The following ZC3H12C variants were observed in gnomAD, a reference collection of about 807,000 sequenced individuals.
The protein encoded by ZC3H12C is zinc finger CCCH-type containing 12C, also known as probable ribonuclease ZC3H12C.
ZC3H12C carries 20 observed loss-of-function variants against 76.3 expected under a neutral mutation model. The ratio of observed to expected loss-of-function variants is 0.26; its 90% CI spans 0.18 to 0.38. The LOEUF (loss-of-function observed/expected upper bound fraction) is 0.38. Among genes scored for constraint, ZC3H12C ranks in the 10% least tolerant of loss-of-function variants. The pLI, the probability that ZC3H12C is intolerant of heterozygous loss-of-function variation, is 1.00. For synonymous variants in ZC3H12C, 352 were observed against 399.6 expected (o/e 0.88, Z 1.42); for missense variants, 874 against 1,086.5 (o/e 0.80, Z 2.75).
rs1565256427 is a variant in ZC3H12C at position 110,127,888 on chromosome 11, T to TCTC, written c.22-8775_22-8774insCTC. Among the ~76,000 whole-genome samples the TCTC allele has an allele frequency of 2.3e-3, 204 of 87,876 alleles. 1 individual carries two copies. The highest frequency in any genetic ancestry group is 3.7e-3 in the Non-Finnish European group (153 of 41,402). 57.7% of individuals were successfully genotyped at this position (87,876 alleles called of 152,430 possible). On this transcript the variant is annotated intron_variant, in intron 1 of 5. Transcript: ENST00000278590. ...TCCAGCCTGGACAACACAGTGAGAC[T>TCTC]TACTCTCAAAAAAAAAAAAAAAGAG...
intron 1 of ZC3H12C, chr11:110,130,962 A>G (rs1447877773): frequency 2.8e-6 from 4 of 1,434,356 alleles, no homozygotes; most frequent in Non-Finnish European, 3.8e-6. Flanking sequence ...ACTCGGTAAT[A>G]GGTTAAGCAA....
chr11:110,137,292 T>G lies in ZC3H12C; in HGVS notation c.651T>G (p.Thr217=), dbSNP rs1861983234. The stretch of plus-strand genomic sequence containing the variant: ...ATCAAACGGTTAGTACAATTAACAC[T>G]ATAACACGGGAAACTTCTTCCCTGG... ...EADQTVSTIN[T]ITRETSSLES... Residue 217 remains threonine (T), a synonymous_variant, in exon 2 of 6, where the codon ACT becomes ACG. Coordinates refer to ENST00000278590, the MANE Select transcript of ZC3H12C (RefSeq NM_033390.2). 1.9e-6 allele frequency: 3 copies of G among 1,613,952 alleles called. No individual in the cohort carries two copies. Among genetic ancestry groups the G allele is most frequent in the Non-Finnish European group, 2.5e-6 (3 of 1,179,874 alleles).
chr11:110,165,829 C>A lies in ZC3H12C; in HGVS notation c.*92C>A. On this transcript the variant is annotated 3_prime_UTR_variant, in exon 6 of 6. Coordinates refer to ENST00000278590, the MANE Select transcript of ZC3H12C (RefSeq NM_033390.2). ...ACAATAGCACATGTGATCTCCTTCT[C>A]AGCAAGGAGGTTATATAGTATCCAT... 8.3e-7 allele frequency: 1 copy of A among 1,203,406 alleles called. No homozygotes were observed. Among genetic ancestry groups the A allele is most frequent in the Non-Finnish European group, 1.1e-6 (1 of 871,382 alleles). 74.5% of individuals were successfully genotyped at this position (1,203,406 alleles called of 1,614,324 possible).
chr11:110,096,885 C>G (rs759321491), intron 1 of ZC3H12C, among the ~76,000 whole-genome samples: 1 of 152,160 alleles, frequency 6.6e-6, no homozygotes, highest in Non-Finnish European at 1.5e-5. Context: ...TCAAAAGACT[C>G]CAGTTTCAGT....
At chr11:110,118,161 T>C (rs1861594269) in intron 1 of ZC3H12C, among the ~76,000 whole-genome samples, 1 of 149,630 alleles carries the variant, frequency 6.7e-6, no homozygotes, top group Admixed American at 6.7e-5. Context: ...AACACTAGAG[T>C]CATTCCCATT....
At chr11:110,125,850 A>G (rs1341895300) in intron 1 of ZC3H12C, among the ~76,000 whole-genome samples, 1 of 152,222 alleles carries the variant, frequency 6.6e-6, no homozygotes, top group Admixed American at 6.5e-5. Flanking sequence ...TGTCTCAGGA[A>G]TTTGAACCTT....
At chr11:110,107,884 A>G (rs971603626) in intron 1 of ZC3H12C, among the ~76,000 whole-genome samples, 4 of 151,780 alleles carry the variant, frequency 2.6e-5, no homozygotes, top group Non-Finnish European at 5.9e-5. Context: ...GCTGGTCTTG[A>G]ACTCCTGAGC....
chr11:110,129,417 G>A (rs988385197), intron 1 of ZC3H12C, among the ~76,000 whole-genome samples: 2 of 151,776 alleles, frequency 1.3e-5, no homozygotes, highest in Admixed American at 6.6e-5. Flanking sequence ...AAATAGAGAC[G>A]ATCTCATTTG....
chr11:110,112,913 C>A (rs555006671), intron 1 of ZC3H12C, among the ~76,000 whole-genome samples: 1 of 152,180 alleles, frequency 6.6e-6, no homozygotes, highest in East Asian at 1.9e-4. Flanking sequence ...TTAATTCATT[C>A]ATACACAGAT....
intron 1 of ZC3H12C, among the ~76,000 whole-genome samples, chr11:110,131,986 A>C (rs1861874878): frequency 6.6e-6 from 1 of 152,196 alleles, no homozygotes; most frequent in African/African-American, 2.4e-5. Flanking sequence ...TGTTAGCTAG[A>C]GGGATGCAGA....
rs749412961 is a variant in ZC3H12C at position 110,152,974 on chromosome 11, T to C, written c.829T>C (p.Phe277Leu). 1 of 1,612,152 alleles carries C rather than the reference T, an allele frequency of 6.2e-7. No homozygotes were observed. ...AGGAATAAAATTGGCAGTGGATTGG[T>C]TTTTGGAAAGAGGCCACAAAGACAT... ...CRGIKLAVDW[F>L]LERGHKDITV... Residue 277 changes from phenylalanine (F) to leucine (L), a missense_variant, in exon 3 of 6, where the codon TTT becomes CTT. Physicochemically the swap from Phe to Leu is conservative, Grantham distance 22. Coordinates refer to ENST00000278590, the MANE Select transcript of ZC3H12C (RefSeq NM_033390.2).
At chr11:110,108,752 G>A (rs1302297169) in intron 1 of ZC3H12C, among the ~76,000 whole-genome samples, 3 of 152,280 alleles carry the variant, frequency 2.0e-5, no homozygotes, top group East Asian at 3.9e-4. Flanking sequence ...CACTTGGATA[G>A]CTATTGGTAT....
At chr11:110,109,464 T>G (rs1861390086) in intron 1 of ZC3H12C, among the ~76,000 whole-genome samples, 1 of 152,224 alleles carries the variant, frequency 6.6e-6, no homozygotes, top group African/African-American at 2.4e-5. Context: ...TGTTATATAT[T>G]TGTGGAGTTC....
At chr11:110,123,428 A>T (rs1202777297) in intron 1 of ZC3H12C, among the ~76,000 whole-genome samples, 1 of 152,250 alleles carries the variant, frequency 6.6e-6, no homozygotes, top group Non-Finnish European at 1.5e-5. Context: ...TTATATTTTC[A>T]TTTAAAATGA....
chr11:110,162,126 A>G (rs1229397158), intron 4 of ZC3H12C, among the ~76,000 whole-genome samples: 1 of 152,116 alleles, frequency 6.6e-6, no homozygotes, highest in Non-Finnish European at 1.5e-5. Flanking sequence ...AAACAGCAAA[A>G]CTCTGTGTCA....
In ZC3H12C at chr11:110,171,472, G is replaced by C. The variant is rs937879824; in HGVS notation, c.*5735G>C. 6.6e-6 allele frequency: 1 copy of C among 152,158 alleles called. No homozygotes were observed. The highest frequency in any genetic ancestry group is 1.5e-5 in the Non-Finnish European group (1 of 68,046). The allele number at this position is 152,158 out of a possible 1,614,324, so 9.4% of individuals were successfully genotyped here. ...TGTAGTGCAACCATCTGATAAACTAGTGTGATTGTATTTATCCTCTGTTCT... is the reference window on the plus strand; with the variant it reads ...TGTAGTGCAACCATCTGATAAACTACTGTGATTGTATTTATCCTCTGTTCT... On this transcript the variant is annotated 3_prime_UTR_variant, in exon 6 of 6. Coordinates refer to ENST00000278590, the MANE Select transcript of ZC3H12C (RefSeq NM_033390.2).
At chr11:110,110,238 G>A (rs994503669) in intron 1 of ZC3H12C, among the ~76,000 whole-genome samples, 3 of 151,996 alleles carry the variant, frequency 2.0e-5, no homozygotes, top group Admixed American at 6.5e-5. Context: ...CAAAATAAAC[G>A]TATTTTTCCT....
At chr11:110,159,196 T>G in intron 3 of ZC3H12C, 60 bp from the exon 4 acceptor site, 1 of 1,290,592 alleles carries the variant, frequency 7.7e-7, no homozygotes, top group Non-Finnish European at 1.1e-6. Flanking sequence ...TGTATGAAAG[T>G]TGCCATGTGT....
chr11:110,164,774 G>A lies in ZC3H12C; in HGVS notation c.1689G>A (p.Met563Ile). The stretch of plus-strand genomic sequence containing the variant: ...CACAGGGACAATATCCTTCAATGAT[G>A]ATGGCAACCAAAAATCATGGAACGC... The part of the protein sequence containing the change: ...QRPQGQYPSM[M>I]MATKNHGTPM... Residue 563 changes from methionine (M) to isoleucine (I), a missense_variant, in exon 6 of 6, where the codon ATG becomes ATA. Coordinates refer to ENST00000278590, the MANE Select transcript of ZC3H12C (RefSeq NM_033390.2). The surrounding 1 kb of genome is among the most constrained non-coding windows in gnomAD (Gnocchi z 5.7). The A allele has an allele frequency of 6.2e-7, 1 of 1,613,986 alleles. No individual in the cohort carries two copies.
Sources: allele counts gnomAD v4.1 joint callset (sites outside exome capture counted in the v4.1 genomes callset), GRCh38; gene constraint gnomAD v4.1.1; non-coding constraint Gnocchi (gnomAD v3.1); transcripts MANE v1.5; gene names NCBI Gene and HGNC (gene_info 2026-07-23, HGNC 2026-07-21).